The following MGAT4A variants were observed in gnomAD, a reference collection of about 807,000 sequenced individuals.
The protein encoded by MGAT4A is alpha-1,3-mannosyl-glycoprotein 4-beta-N-acetylglucosaminyltransferase A.
A neutral mutation model predicts 74.1 loss-of-function variants in MGAT4A; 33 were observed. The ratio of observed to expected loss-of-function variants is 0.45; its 90% CI spans 0.34 to 0.60. The LOEUF is 0.60. Among genes scored for constraint, MGAT4A ranks in the 20% least tolerant of loss-of-function variants. The pLI is 0.02. For missense variants in MGAT4A, 479 were observed against 628.3 expected, an observed-to-expected ratio of 0.76 and a Z score of 2.54; for synonymous variants, 198 against 210.4, an observed-to-expected ratio of 0.94 and a Z score of 0.51.
chr2:98,714,328 C>T (rs1702562102), intron 2 of MGAT4A, among the ~76,000 whole-genome samples: 2 of 152,178 alleles, frequency 1.3e-5, no homozygotes, highest in Admixed American at 6.5e-5. Context: ...TTCAAGTGAT[C>T]CACCTGCCTC....
chr2:98,650,351 T>C (rs1466132572), intron 8 of MGAT4A, among the ~76,000 whole-genome samples: 2 of 152,096 alleles, frequency 1.3e-5, no homozygotes, highest in Non-Finnish European at 2.9e-5. Flanking sequence ...CTATTTGAAC[T>C]TCCCAAATAT....
intron 8 of MGAT4A, among the ~76,000 whole-genome samples, chr2:98,653,888 C>T (rs1701618626): frequency 6.6e-6 from 1 of 152,118 alleles, no homozygotes; most frequent in South Asian, 2.1e-4. Context: ...AGACCAATAT[C>T]CCTGATGCAA....
chr2:98,670,192 A>G (rs1021871559), intron 4 of MGAT4A, among the ~76,000 whole-genome samples: 1 of 152,204 alleles, frequency 6.6e-6, no homozygotes, highest in East Asian at 1.9e-4. Flanking sequence ...TTTAGGCAGG[A>G]GTAAGATGGA....
intron 14 of MGAT4A, among the ~76,000 whole-genome samples, chr2:98,633,591 T>C (rs1204397938): frequency 2.6e-5 from 4 of 152,202 alleles, no homozygotes; most frequent in Non-Finnish European, 5.9e-5. Context: ...TGTTCTACAT[T>C]CAGTTGAAAA....
intron 9 of MGAT4A, 54 bp downstream of exon 9, chr2:98,645,374 T>C (rs1665073062): frequency 1.5e-6 from 2 of 1,315,628 alleles, no homozygotes; most frequent in Non-Finnish European, 2.1e-6. Flanking sequence ...TGGTTTTAGA[T>C]TCTGAGAGTC....
chr2:98,641,244 G>A (rs766114178), intron 10 of MGAT4A, among the ~76,000 whole-genome samples: 11 of 152,084 alleles, frequency 7.2e-5, no homozygotes, highest in Non-Finnish European at 1.0e-4. Flanking sequence ...CACTTGACTG[G>A]GCACGGTGGC....
intron 2 of MGAT4A, among the ~76,000 whole-genome samples, chr2:98,720,172 T>C (rs1702646504): frequency 6.6e-6 from 1 of 152,248 alleles, no homozygotes. Context: ...GTTAATTTTA[T>C]GTGTCAATCT....
At chr2:98,635,569 G>C (rs1009757613) in intron 13 of MGAT4A, among the ~76,000 whole-genome samples, 3 of 152,204 alleles carry the variant, frequency 2.0e-5, no homozygotes, top group Non-Finnish European at 2.9e-5. Context: ...TAGAAGAACT[G>C]TGTAGTTAAC....
At chr2:98,715,455 C>G (rs1258943460) in intron 2 of MGAT4A, among the ~76,000 whole-genome samples, 1 of 151,916 alleles carries the variant, frequency 6.6e-6, no homozygotes, top group African/African-American at 2.4e-5. Context: ...GTAAGAATTG[C>G]TGCAGGTAGT....
chr2:98,710,636 T>C (rs1415227294), intron 2 of MGAT4A, among the ~76,000 whole-genome samples: 1 of 152,044 alleles, frequency 6.6e-6, no homozygotes, highest in Non-Finnish European at 1.5e-5. Context: ...ATTTTTGTAT[T>C]TTTAGTACAG....
chr2:98,663,035 T>G lies in MGAT4A; in HGVS notation c.537+11A>C. On this transcript the variant is annotated intron_variant, in intron 5 of 15. Coordinates refer to ENST00000393487, the MANE Select transcript of MGAT4A (RefSeq NM_012214.3). Reference sequence around the variant, plus strand: ...TATTTGGTAAAAACATAACAACAATTAAATAATTACCTCTCCTATGAAGAC... The same window carrying G: ...TATTTGGTAAAAACATAACAACAATGAAATAATTACCTCTCCTATGAAGAC... 6.8e-7 allele frequency: 1 copy of G among 1,473,726 alleles called. No homozygotes were observed. The allele number at this position is 1,473,726 out of a possible 1,614,324, so 91.3% of individuals were successfully genotyped here.
intron 5 of MGAT4A, among the ~76,000 whole-genome samples, chr2:98,662,065 T>A (rs1701758986): frequency 6.6e-6 from 1 of 152,138 alleles, no homozygotes. Flanking sequence ...CTAACTGCAA[T>A]GTGGTGTTCC....
At chr2:98,678,245 A>ATATAT (rs1245453085) in intron 3 of MGAT4A, 59 bp downstream of exon 3, 221 of 373,906 alleles carry the variant, frequency 5.9e-4, no homozygotes, top group African/African-American at 5.5e-3. Flanking sequence ...AAAAAAAAAA[A>ATATAT]AAAAATATAT....
Position 98,730,734 on chromosome 2 carries a change from C to T in MGAT4A, c.-236+314G>A, listed in dbSNP as rs185816156. On this transcript the variant is annotated intron_variant, in intron 1 of 15. Transcript: ENST00000393487. ...GGCGCCGAGCCGGCCGCAGAGAGGG[C>T]GCGCGACCCCGAGGGGTGCGCGGTG... 1.2e-3 allele frequency among the ~76,000 whole-genome samples: 177 copies of T among 150,448 alleles called. No individual in the cohort carries two copies. The Middle Eastern group carries it at 0.042, about 35-fold the overall frequency.
intron 8 of MGAT4A, among the ~76,000 whole-genome samples, chr2:98,649,538 G>A (rs1701547057): frequency 6.6e-6 from 1 of 152,166 alleles, no homozygotes; most frequent in South Asian, 2.1e-4. Context: ...GTCAGGAACA[G>A]GGCACCAGGT....
intron 12 of MGAT4A, among the ~76,000 whole-genome samples, chr2:98,637,898 G>A (rs1028797000): frequency 2.6e-5 from 4 of 152,214 alleles, no homozygotes; most frequent in Non-Finnish European, 5.9e-5. Context: ...TACAGTTACA[G>A]CGGTGGGCCA....
At chr2:98,710,848 A>C (rs10196218) in intron 2 of MGAT4A, among the ~76,000 whole-genome samples, 50,918 of 151,884 alleles carry the variant, frequency 0.34, 10,711 homozygotes, top group African/African-American at 0.6. Flanking sequence ...TATATAGAAA[A>C]TTTTGTCTAT....
At chr2:98,705,948 CAAAAAAAA>C (rs35710005) in intron 2 of MGAT4A, among the ~76,000 whole-genome samples, 12 of 47,510 alleles carry the variant, frequency 2.5e-4, no homozygotes, top group African/African-American at 8.7e-4. Flanking sequence ...GACTCCGTCT[CAAAAAAAA>C]AAAAAAAAAA....
chr2:98,650,056 C>A (rs1164200534), intron 8 of MGAT4A, among the ~76,000 whole-genome samples: 1 of 151,966 alleles, frequency 6.6e-6, no homozygotes. Context: ...GATGCATGAA[C>A]AAAATGAGAA....
Sources: allele counts gnomAD v4.1 joint callset (sites outside exome capture counted in the v4.1 genomes callset), GRCh38; gene constraint gnomAD v4.1.1; transcripts MANE v1.5; gene names NCBI Gene and HGNC (gene_info 2026-07-23, HGNC 2026-07-21).